The following NKAIN2 variants were observed in gnomAD, a reference collection of about 807,000 sequenced individuals.
NKAIN2 encodes the protein sodium/potassium transporting ATPase interacting 2, also known as sodium/potassium-transporting ATPase subunit beta-1-interacting protein 2.
Under a neutral mutation model 32.6 loss-of-function variants are expected in NKAIN2, and 14 were observed. The observed-to-expected ratio is 0.43, with a 90% CI of 0.28 to 0.67. NKAIN2 has a LOEUF of 0.67. NKAIN2 is among the 30% of genes least tolerant of loss of function. The pLI is 0.17. For synonymous variants in NKAIN2, 80 were observed against 87.2 expected (o/e 0.92, Z 0.46); for missense variants, 198 against 258.3 (o/e 0.77, Z 1.60).
chr6:124,751,596 C>T (rs138957426), intron 4 of NKAIN2, among the ~76,000 whole-genome samples: 1 of 151,946 alleles, frequency 6.6e-6, no homozygotes, highest in East Asian at 2.0e-4. Context: ...CAGGTCTATT[C>T]ATTAGCAAAT....
chr6:124,477,393 T>C (rs1296956267), intron 3 of NKAIN2, among the ~76,000 whole-genome samples: 1 of 152,144 alleles, frequency 6.6e-6, no homozygotes, highest in Non-Finnish European at 1.5e-5. Context: ...CCCTGTCTCA[T>C]ACAAGTTGCC....
intron 3 of NKAIN2, among the ~76,000 whole-genome samples, chr6:124,637,410 A>G (rs1388410630): frequency 6.6e-6 from 1 of 152,108 alleles, no homozygotes; most frequent in Non-Finnish European, 1.5e-5. Flanking sequence ...AGAAAGAAAA[A>G]GAGGGCATCC....
chr6:124,264,761 A>G (rs1794412069), intron 1 of NKAIN2, among the ~76,000 whole-genome samples: 1 of 152,162 alleles, frequency 6.6e-6, no homozygotes, highest in African/African-American at 2.4e-5. Flanking sequence ...ATCTAAGTAT[A>G]GTTTTTAATT....
intron 3 of NKAIN2, among the ~76,000 whole-genome samples, chr6:124,412,557 G>A (rs151330862): frequency 0.014 from 2,098 of 152,192 alleles, 37 homozygotes; most frequent in African/African-American, 0.045. Context: ...AGGAGTACCC[G>A]GCCGTGCGAG....
chr6:124,181,408 C>G (rs1385861027), intron 1 of NKAIN2, among the ~76,000 whole-genome samples: 1 of 152,136 alleles, frequency 6.6e-6, no homozygotes, highest in African/African-American at 2.4e-5. Context: ...TTGCAAATTT[C>G]TGCAGCTGGC....
At chr6:123,861,835 C>G (rs1228632517) in intron 1 of NKAIN2, among the ~76,000 whole-genome samples, 2 of 151,874 alleles carry the variant, frequency 1.3e-5, no homozygotes, top group African/African-American at 4.8e-5. Flanking sequence ...GTTTAATTTT[C>G]CTTTAATTTA....
At chr6:123,915,566 A>G (rs751652667) in intron 1 of NKAIN2, among the ~76,000 whole-genome samples, 8 of 152,178 alleles carry the variant, frequency 5.3e-5, no homozygotes, top group Admixed American at 1.3e-4. Flanking sequence ...TTCAAAGTCT[A>G]GTTCCTATGG....
In NKAIN2 at chr6:124,308,375, T is replaced by C. The variant is rs538263718; in HGVS notation, c.192+25233T>C. On this transcript the variant is annotated intron_variant, in intron 2 of 6. Coordinates refer to ENST00000368417, the MANE Select transcript of NKAIN2 (RefSeq NM_001040214.3). ...GAAGATTTATCAAACTCCACGACTATTAGTTAATTTTTATATGCCTGAAGA... is the reference window on the plus strand; with the variant it reads ...GAAGATTTATCAAACTCCACGACTACTAGTTAATTTTTATATGCCTGAAGA... 3.3e-5 allele frequency among the ~76,000 whole-genome samples: 5 copies of C among 152,302 alleles called. No homozygotes were observed. The East Asian group carries it at 9.7e-4, about 29-fold the overall frequency.
chr6:124,630,390 G>A (rs1236911294), intron 3 of NKAIN2, among the ~76,000 whole-genome samples: 1 of 152,092 alleles, frequency 6.6e-6, no homozygotes, highest in Non-Finnish European at 1.5e-5. Flanking sequence ...CGTATTAAAG[G>A]TAAGGATTTC....
intron 2 of NKAIN2, among the ~76,000 whole-genome samples, chr6:124,295,832 C>T (rs774837531): frequency 1.1e-4 from 16 of 152,106 alleles, no homozygotes; most frequent in Non-Finnish European, 2.2e-4. Context: ...TTTTAACCAA[C>T]TCAACTTCCC....
chr6:124,183,301 T>A (rs1011542994), intron 1 of NKAIN2, among the ~76,000 whole-genome samples: 1 of 152,132 alleles, frequency 6.6e-6, no homozygotes, highest in Admixed American at 6.5e-5. Context: ...ATAATGTTGG[T>A]TGTTACTAAG....
chr6:124,680,023 G>A (rs73770516), intron 4 of NKAIN2, among the ~76,000 whole-genome samples: 7,800 of 152,084 alleles, frequency 0.051, 234 homozygotes, highest in African/African-American at 0.086. Flanking sequence ...TATTTATTAC[G>A]ATGAGCCACC....
At chr6:124,426,890 T>C (rs1775005125) in intron 3 of NKAIN2, among the ~76,000 whole-genome samples, 1 of 152,170 alleles carries the variant, frequency 6.6e-6, no homozygotes, top group Non-Finnish European at 1.5e-5. Context: ...TCTTCTCTTC[T>C]CTGCTGCCAT....
intron 4 of NKAIN2, among the ~76,000 whole-genome samples, chr6:124,743,428 C>T (rs1053058105): frequency 2.1e-5 from 3 of 141,850 alleles, no homozygotes; most frequent in African/African-American, 5.1e-5. Context: ...ATTAATAAAT[C>T]GATCATTATT....
chr6:124,789,330 T>A (rs931450313), intron 4 of NKAIN2, among the ~76,000 whole-genome samples: 1 of 152,064 alleles, frequency 6.6e-6, no homozygotes, highest in African/African-American at 2.4e-5. Flanking sequence ...TAATAAGCAT[T>A]TAACACTGAA....
At chr6:123,965,637 C>T (rs932127025) in intron 1 of NKAIN2, among the ~76,000 whole-genome samples, 3 of 152,144 alleles carry the variant, frequency 2.0e-5, no homozygotes, top group African/African-American at 7.2e-5. Flanking sequence ...ACACAATAGC[C>T]ATCTTGGACC....
intron 3 of NKAIN2, among the ~76,000 whole-genome samples, chr6:124,625,940 T>A (rs1008481777): frequency 9.2e-5 from 14 of 151,840 alleles, no homozygotes; most frequent in African/African-American, 7.3e-5. Context: ...TTTGTTTTTT[T>A]AAAAATTTTA....
intron 3 of NKAIN2, among the ~76,000 whole-genome samples, chr6:124,449,914 C>T (rs530587918): frequency 1.1e-4 from 16 of 152,156 alleles, no homozygotes; most frequent in African/African-American, 3.1e-4. Context: ...TGTGACTTTT[C>T]GGTTAGGCTG....
At chr6:124,341,941 A>G (rs1315566443) in intron 2 of NKAIN2, among the ~76,000 whole-genome samples, 1 of 152,224 alleles carries the variant, frequency 6.6e-6, no homozygotes, top group African/African-American at 2.4e-5. Context: ...TTATCATAAC[A>G]ATAGGAAAAG....
Sources: allele counts gnomAD v4.1 joint callset (sites outside exome capture counted in the v4.1 genomes callset), GRCh38; gene constraint gnomAD v4.1.1; transcripts MANE v1.5; gene names NCBI Gene and HGNC (gene_info 2026-07-23, HGNC 2026-07-21).